The following ESRRG variants were observed in gnomAD, a reference collection of about 807,000 sequenced individuals.
The protein encoded by ESRRG is estrogen related receptor gamma.
A neutral mutation model predicts 44.0 loss-of-function variants in ESRRG; 13 were observed. That is an observed-to-expected ratio of 0.30 (90% CI 0.19 to 0.47). ESRRG has a LOEUF of 0.47. ESRRG is among the 20% of genes least tolerant of loss of function. The pLI, the probability that ESRRG is intolerant of heterozygous loss-of-function variation, is 1.00. For synonymous variants in ESRRG, 215 were observed against 214.6 expected (o/e 1.00, Z -0.02); for missense variants, 395 against 580.6 (o/e 0.68, Z 3.29).
intron 5 of ESRRG, among the ~76,000 whole-genome samples, chr1:216,534,563 A>G (rs967465345): frequency 6.6e-6 from 1 of 152,152 alleles, no homozygotes; most frequent in African/African-American, 2.4e-5. Context: ...GGAAAATAAC[A>G]TTGTATTTAT....
chr1:216,567,655 C>T (rs1283325009), intron 4 of ESRRG, among the ~76,000 whole-genome samples: 1 of 152,040 alleles, frequency 6.6e-6, no homozygotes, highest in African/African-American at 2.4e-5. Flanking sequence ...ACAGTATGAT[C>T]CATTTTATGT....
chr1:216,530,878 C>T lies in ESRRG; in HGVS notation c.863-11457G>A, dbSNP rs78886995. On this transcript the variant is annotated intron_variant, in intron 5 of 6. Transcript: ENST00000408911. Reference sequence around the variant, plus strand: ...ATAGACTTGGTGTTTGTGGAGTTAACGCTGTTATCTCTTCTTGTCTTACTA... The same window carrying T: ...ATAGACTTGGTGTTTGTGGAGTTAATGCTGTTATCTCTTCTTGTCTTACTA... Among the ~76,000 whole-genome samples, 342 of 152,086 alleles carry T rather than the reference C, an allele frequency of 2.2e-3. 5 individuals are homozygous for T. The East Asian group carries it at 0.052, about 23-fold the overall frequency.
intron 5 of ESRRG, among the ~76,000 whole-genome samples, chr1:216,534,827 G>A (rs2050437109): frequency 6.6e-6 from 1 of 152,150 alleles, no homozygotes; most frequent in African/African-American, 2.4e-5. Context: ...GCAACATCAT[G>A]GAGCTGATGC....
At chr1:216,894,545 G>T (rs924786576) in intron 2 of ESRRG, among the ~76,000 whole-genome samples, 1 of 152,006 alleles carries the variant, frequency 6.6e-6, no homozygotes, top group African/African-American at 2.4e-5. Context: ...TATTAAGTTC[G>T]TTGTCTTTAC....
At chr1:216,629,727 C>T (rs988855955) in intron 3 of ESRRG, among the ~76,000 whole-genome samples, 1 of 152,136 alleles carries the variant, frequency 6.6e-6, no homozygotes, top group African/African-American at 2.4e-5. Context: ...TTATGCAAAA[C>T]TTAAGAACAG....
At chr1:216,892,653 A>C (rs1014610451) in intron 2 of ESRRG, among the ~76,000 whole-genome samples, 1 of 152,200 alleles carries the variant, frequency 6.6e-6, no homozygotes, top group African/African-American at 2.4e-5. Flanking sequence ...CCAACCGTCT[A>C]GAAGGCAAAG....
chr1:216,706,425 T>A (rs1435640252), intron 1 of ESRRG, among the ~76,000 whole-genome samples: 2 of 152,200 alleles, frequency 1.3e-5, no homozygotes, highest in African/African-American at 4.8e-5. Flanking sequence ...TACAGCCTTT[T>A]GATGTTGCAG....
upstream of ESRRG, among the ~76,000 whole-genome samples, chr1:217,092,505 A>G (rs1403275588): frequency 6.6e-6 from 1 of 152,196 alleles, no homozygotes; most frequent in Non-Finnish European, 1.5e-5. Flanking sequence ...TTCAAATTAA[A>G]GTGTCCTGAG....
At chr1:216,709,519 T>TA (rs2083167849) in intron 1 of ESRRG, among the ~76,000 whole-genome samples, 1 of 152,028 alleles carries the variant, frequency 6.6e-6, no homozygotes, top group African/African-American at 2.4e-5. Context: ...TAGTTTAATT[T>TA]AAAAAGAGAA....
chr1:217,115,589 G>A (rs1580614315), intron 1 of ESRRG, among the ~76,000 whole-genome samples: 1 of 152,038 alleles, frequency 6.6e-6, no homozygotes, highest in East Asian at 1.9e-4. Flanking sequence ...TGTACTTGCT[G>A]TCCTCTCTAT....
intron 1 of ESRRG, among the ~76,000 whole-genome samples, chr1:216,707,755 A>G (rs1288767273): frequency 6.6e-6 from 1 of 152,224 alleles, no homozygotes; most frequent in African/African-American, 2.4e-5. Flanking sequence ...AATGCACTAA[A>G]TTGAGAGCTT....
At chr1:217,083,671 G>A (rs183781049) in intron 1 of ESRRG, among the ~76,000 whole-genome samples, 1 of 152,302 alleles carries the variant, frequency 6.6e-6, no homozygotes, top group Admixed American at 6.5e-5. Context: ...CTTTGAAGGT[G>A]ATTGGGCCAA....
At chr1:216,758,851 A>T (rs1187131611) in intron 2 of ESRRG, among the ~76,000 whole-genome samples, 1 of 152,062 alleles carries the variant, frequency 6.6e-6, no homozygotes, top group Admixed American at 6.6e-5. Flanking sequence ...TATCTTAATA[A>T]TAATATTATT....
At chr1:217,057,756 G>A (rs916319630) in intron 1 of ESRRG, among the ~76,000 whole-genome samples, 6 of 152,150 alleles carry the variant, frequency 3.9e-5, no homozygotes, top group African/African-American at 7.2e-5. Context: ...GGCTGCATGT[G>A]GCCCAGAATG....
chr1:216,914,468 G>A (rs566175807), intron 2 of ESRRG, among the ~76,000 whole-genome samples: 107 of 152,138 alleles, frequency 7.0e-4, no homozygotes, highest in Middle Eastern at 3.4e-3. Context: ...AACCATCAGT[G>A]GCCCTGCAAC....
At chr1:216,984,088 A>G (rs1384762331) in intron 1 of ESRRG, among the ~76,000 whole-genome samples, 2 of 152,130 alleles carry the variant, frequency 1.3e-5, no homozygotes, top group Non-Finnish European at 2.9e-5. Flanking sequence ...ATAAATAACC[A>G]AAGAACACGA....
intron 2 of ESRRG, among the ~76,000 whole-genome samples, chr1:216,938,227 T>C (rs1419238369): frequency 6.6e-6 from 1 of 152,250 alleles, no homozygotes; most frequent in Non-Finnish European, 1.5e-5. Flanking sequence ...ATTTCTAGTG[T>C]ACAAATCATT....
intron 2 of ESRRG, among the ~76,000 whole-genome samples, chr1:216,742,694 G>C (rs2090903072): frequency 6.6e-6 from 1 of 151,842 alleles, no homozygotes; most frequent in Non-Finnish European, 1.5e-5. Flanking sequence ...GAGAGGAACA[G>C]AGTAAGTAAA....
chr1:217,081,906 A>G (rs2091795548), intron 1 of ESRRG, among the ~76,000 whole-genome samples: 1 of 152,272 alleles, frequency 6.6e-6, no homozygotes, highest in South Asian at 2.1e-4. Flanking sequence ...AGTGCCAATG[A>G]CAGGCGATAT....
Sources: gnomAD v4.1 joint callset for allele counts (sites outside exome capture counted in the v4.1 genomes callset) on GRCh38, gnomAD v4.1.1 for gene constraint, MANE v1.5 for transcripts, NCBI Gene and HGNC (gene_info 2026-07-23, HGNC 2026-07-21) for gene names.